IL10RB: variants seen among roughly 807,000 people sequenced by gnomAD.
IL10RB encodes interleukin-10 receptor subunit beta.
A neutral mutation model predicts 38.7 loss-of-function variants in IL10RB; 30 were observed. The ratio of observed to expected loss-of-function variants is 0.78; its 90% CI spans 0.58 to 1.05. The LOEUF (loss-of-function observed/expected upper bound fraction) is 1.05, where lower values mean the gene tolerates loss of function less well. Ranked by LOEUF, IL10RB falls within the 50% of genes least tolerant of loss-of-function variation. IL10RB has a pLI of 0.00. For missense variants in IL10RB, 328 were observed against 397.1 expected (o/e 0.83, Z 1.48); for synonymous variants, 142 against 145.9 (o/e 0.97, Z 0.19).
intron 2 of IL10RB, among the ~76,000 whole-genome samples, chr21:33,269,033 C>T (rs1354866771): frequency 2.6e-5 from 4 of 152,154 alleles, no homozygotes; most frequent in Admixed American, 1.3e-4. Context: ...CAGTGCCATG[C>T]GCGATGCACA....
intron 6 of IL10RB, chr21:33,293,899 G>A (rs1409161098): frequency 2.5e-5 from 11 of 436,286 alleles, no homozygotes; most frequent in Non-Finnish European, 5.2e-5. Flanking sequence ...GCAGCAGGAA[G>A]AACAAAGAAT....
Position 33,296,343 on chromosome 21 carries a change from G to A in IL10RB, c.964G>A (p.Gly322Arg). 2 of 1,613,528 alleles carry A rather than the reference G, an allele frequency of 1.2e-6. No individual in the cohort carries two copies. Among genetic ancestry groups the A allele is most frequent in the Non-Finnish European group, 1.7e-6 (2 of 1,179,974 alleles). Residue 322 changes from glycine (G) to arginine (R), a missense_variant, in exon 7 of 7, where the codon GGG (glycine) becomes AGG (arginine). Physicochemically the swap from Gly to Arg is moderately radical, Grantham distance 125. Coordinates refer to ENST00000290200, the MANE Select transcript of IL10RB (RefSeq NM_000628.5). ...SCSLGTPPGQ[G>R]PQS Reference sequence around the variant, plus strand: ...CAGCCTCGGGACCCCGCCTGGGCAGGGGCCCCAAAGCTAGGCTCTGAGAAG... The same window carrying A: ...CAGCCTCGGGACCCCGCCTGGGCAGAGGCCCCAAAGCTAGGCTCTGAGAAG...
Position 33,266,871 on chromosome 21 carries a change from C to T in IL10RB, c.49+357C>T, listed in dbSNP as rs146486050. ...GATCCCACCGTGGCTGTCATCTGAC[C>T]CTTCTGGAGACTATCAGTTCAAGTG... On this transcript the variant is annotated intron_variant, in intron 1 of 6. Coordinates refer to ENST00000290200, the MANE Select transcript of IL10RB (RefSeq NM_000628.5). Among the ~76,000 whole-genome samples the T allele has an allele frequency of 5.9e-4, 90 of 152,202 alleles. No individual in the cohort carries two copies. In the East Asian group the frequency reaches 0.015, roughly 25 times the overall value.
chr21:33,303,295 G>A (rs529464561), intron 1 of IL10RB, among the ~76,000 whole-genome samples: 1 of 151,850 alleles, frequency 6.6e-6, no homozygotes, highest in East Asian at 1.9e-4. Context: ...CGGGGAGGGT[G>A]GAATCCTCTT....
At chr21:33,308,104 C>T (rs539689153) in intron 1 of IL10RB, 35 of 152,328 alleles carry the variant, frequency 2.3e-4, no homozygotes, top group African/African-American at 8.2e-4. Flanking sequence ...CAGGATTTCC[C>T]ATCTTTCAGA....
chr21:33,296,178 C>G lies in IL10RB; in HGVS notation c.805-6C>G. The G allele has an allele frequency of 6.2e-7, 1 of 1,611,336 alleles. No homozygotes were observed. The highest frequency in any genetic ancestry group is 8.5e-7 in the Non-Finnish European group (1 of 1,177,446). Reference sequence around the variant, plus strand: ...TGATCATTAACTGTCCTCTTTCCCTCCACAGTTTTTGGGCCATCCTCATCA... The same window carrying G: ...TGATCATTAACTGTCCTCTTTCCCTGCACAGTTTTTGGGCCATCCTCATCA... On this transcript the variant is annotated splice_region_variant and splice_polypyrimidine_tract_variant and intron_variant, in intron 6 of 6. Coordinates refer to ENST00000290200, the MANE Select transcript of IL10RB (RefSeq NM_000628.5).
chr21:33,272,777 G>T (rs542661582), intron 2 of IL10RB, among the ~76,000 whole-genome samples: 1 of 152,312 alleles, frequency 6.6e-6, no homozygotes, highest in African/African-American at 2.4e-5. Flanking sequence ...TGAGAGCCTG[G>T]GCTTCCTTTG....
At chr21:33,266,734 C>T (rs1344937875) in intron 1 of IL10RB, among the ~76,000 whole-genome samples, 1 of 152,210 alleles carries the variant, frequency 6.6e-6, no homozygotes, top group East Asian at 1.9e-4. Context: ...GGATTACAGA[C>T]CGTCTGGGCC....
intron 1 of IL10RB, among the ~76,000 whole-genome samples, chr21:33,267,510 GTTTTTTTGTT>G (rs1988985017): frequency 2.7e-5 from 2 of 73,998 alleles, no homozygotes; most frequent in Non-Finnish European, 6.1e-5. Flanking sequence ...TTGTTTTTTT[GTTTTTTTGTT>G]TTTTTTTGAG....
At chr21:33,278,047 A>C (rs1269071649) in intron 3 of IL10RB, among the ~76,000 whole-genome samples, 3 of 24,040 alleles carry the variant, frequency 1.2e-4, no homozygotes, top group Non-Finnish European at 2.2e-4. Context: ...AAAAAATACC[A>C]AAAAAAAAAA....
At chr21:33,266,563 C>G (rs766640916) in intron 1 of IL10RB, 49 bp downstream of exon 1, 2 of 1,517,120 alleles carry the variant, frequency 1.3e-6, no homozygotes, top group East Asian at 4.9e-5. Context: ...GGAGGCCCCG[C>G]GAGATGCCGC....
intron 2 of IL10RB, among the ~76,000 whole-genome samples, chr21:33,269,334 A>G (rs1187140559): frequency 6.6e-6 from 1 of 151,492 alleles, no homozygotes; most frequent in Non-Finnish European, 1.5e-5. Flanking sequence ...GGCCAGGCGC[A>G]AACAGCAGCA....
chr21:33,270,728 G>T (rs1280518606), intron 2 of IL10RB, among the ~76,000 whole-genome samples: 57 of 146,966 alleles, frequency 3.9e-4, no homozygotes, highest in Admixed American at 8.3e-4. Flanking sequence ...AGGCTGGAGT[G>T]CAGTGGTACG....
chr21:33,280,848 A>G (rs2123580645), intron 4 of IL10RB, among the ~76,000 whole-genome samples: 1 of 152,364 alleles, frequency 6.6e-6, no homozygotes, highest in African/African-American at 2.4e-5. Context: ...ATATACACAC[A>G]CTGCATAGCC....
intron 1 of IL10RB, among the ~76,000 whole-genome samples, chr21:33,305,086 T>C (rs2834178): frequency 0.22 from 34,125 of 152,116 alleles, 4,332 homozygotes; most frequent in Non-Finnish European, 0.28. Context: ...TACCATCTCC[T>C]ATCCCTGGTT....
rs1989108566 is a variant in IL10RB at position 33,273,027 on chromosome 21, G to A, written c.174-3569G>A. 3.9e-5 allele frequency among the ~76,000 whole-genome samples: 6 copies of A among 152,288 alleles called. No individual in the cohort carries two copies. In the South Asian group the frequency reaches 1.2e-3, roughly 32 times the overall value. On this transcript the variant is annotated intron_variant, in intron 2 of 6. Coordinates refer to ENST00000290200, the MANE Select transcript of IL10RB (RefSeq NM_000628.5). Reference sequence around the variant, plus strand: ...CATTTATAGGACAGGACAGTCACGGGTCACTTAACAACTGGGGTAGATTCT... The same window carrying A: ...CATTTATAGGACAGGACAGTCACGGATCACTTAACAACTGGGGTAGATTCT...
chr21:33,273,670 A>C (rs1330791610), intron 2 of IL10RB, among the ~76,000 whole-genome samples: 1 of 152,258 alleles, frequency 6.6e-6, no homozygotes, highest in Non-Finnish European at 1.5e-5. Context: ...TTTTACTCAC[A>C]GAAGAACTTC....
At chr21:33,290,301 T>A (rs1253655163) in intron 6 of IL10RB, among the ~76,000 whole-genome samples, 1 of 151,884 alleles carries the variant, frequency 6.6e-6, no homozygotes, top group Non-Finnish European at 1.5e-5. Context: ...ATTTAAAAAA[T>A]TTTAAAATTT....
chr21:33,266,855 G>T (rs572799373), intron 1 of IL10RB, among the ~76,000 whole-genome samples: 48 of 152,148 alleles, frequency 3.2e-4, no homozygotes, highest in African/African-American at 1.1e-3. Flanking sequence ...AGATCCCACC[G>T]TGGCTGTCAT....
Sources: gnomAD v4.1 joint callset for allele counts (sites outside exome capture counted in the v4.1 genomes callset) on GRCh38, gnomAD v4.1.1 for gene constraint, MANE v1.5 for transcripts, NCBI Gene and HGNC (gene_info 2026-07-23, HGNC 2026-07-21) for gene names.